Variants in AKR1B15 observed in about 807,000 individuals in gnomAD.
The protein encoded by AKR1B15 is aldo-keto reductase family 1 member B15.
In AKR1B15, 49 loss-of-function variants were observed where a neutral mutation model predicts 38.5. That is an observed-to-expected ratio of 1.27 (90% CI 1.01 to 1.62). AKR1B15 has a LOEUF of 1.62. Among genes scored for constraint, AKR1B15 ranks in the 40% most tolerant of loss-of-function variants. AKR1B15 has a pLI of 0.00. For synonymous variants in AKR1B15, 137 were observed against 135.5 expected (o/e 1.01, Z -0.08); for missense variants, 411 against 381.6 (o/e 1.08, Z -0.64).
At chr7:134,550,426 T>C (rs1276892915) in intron 1 of AKR1B15, among the ~76,000 whole-genome samples, 1 of 152,020 alleles carries the variant, frequency 6.6e-6, no homozygotes, top group Non-Finnish European at 1.5e-5. Flanking sequence ...TGCTTTCGAG[T>C]CGTGGAGACA....
rs1467337974 is a variant in AKR1B15 at position 134,577,023 on chromosome 7, G to A, written c.886G>A (p.Ala296Thr). The A allele has an allele frequency of 1.2e-6, 2 of 1,613,842 alleles. No individual in the cohort carries two copies. Among genetic ancestry groups the A allele is most frequent in the South Asian group, 1.1e-5 (1 of 91,064 alleles). ...AGTGATCCCCAAGTCTATGACACCA[G>A]CACACATTGTTGAGAACATTCAGGT... ...VTVIPKSMTP[A>T]HIVENIQVFD... Residue 296 changes from alanine (A) to threonine (T), a missense_variant, in exon 10 of 12, where the codon GCA becomes ACA. Around this residue, in one of 3 missense-constraint regions of AKR1B15, gnomAD observed 133 missense variants for 120.3 expected, o/e 1.11. Transcript: ENST00000457545.
In AKR1B15 at chr7:134,577,020, C is replaced by G; in HGVS notation, c.883C>G (p.Pro295Ala). The G allele has an allele frequency of 1.2e-6, 2 of 1,613,902 alleles. No homozygotes were observed. Among genetic ancestry groups the G allele is most frequent in the African/African-American group, 1.3e-5 (1 of 75,064 alleles). Residue 295 changes from proline to alanine, a missense_variant, in exon 10 of 12, where the codon CCA becomes GCA. Pro to Ala is a conservative substitution (Grantham distance 27, BLOSUM62 -1). Around this residue, in one of 3 missense-constraint regions of AKR1B15, gnomAD observed 133 missense variants for 120.3 expected, o/e 1.11. Transcript: ENST00000457545. ...GACAGTGATCCCCAAGTCTATGACA[C>G]CAGCACACATTGTTGAGAACATTCA... Reference protein sequence around the residue: ...NVTVIPKSMTPAHIVENIQVF... With the variant: ...NVTVIPKSMTAAHIVENIQVF...
chr7:134,562,800 TTTCCTTCCTTCCTTTC>T (rs1418722327), intron 2 of AKR1B15, among the ~76,000 whole-genome samples: 1 of 151,880 alleles, frequency 6.6e-6, no homozygotes, highest in African/African-American at 2.4e-5. Flanking sequence ...CTTTTCTTTC[TTTCCTTCCTTCCTTTC>T]TTCCTTCCTT....
chr7:134,567,290 G>T (rs1562948854), intron 3 of AKR1B15, among the ~76,000 whole-genome samples: 1 of 152,206 alleles, frequency 6.6e-6, no homozygotes, highest in Non-Finnish European at 1.5e-5. Context: ...AGAACAAAGT[G>T]TGATAATTGT....
chr7:134,567,398 C>G (rs527932597), intron 3 of AKR1B15, among the ~76,000 whole-genome samples: 1 of 152,282 alleles, frequency 6.6e-6, no homozygotes, highest in South Asian at 2.1e-4. Flanking sequence ...AAAACAAACT[C>G]TATTCCTATA....
intron 7 of AKR1B15, 40 bp downstream of exon 7, chr7:134,575,582 T>G (rs1794751470): frequency 3.7e-6 from 6 of 1,611,626 alleles, no homozygotes; most frequent in Middle Eastern, 1.7e-4. Flanking sequence ...TCCTGCCCTA[T>G]TACTTCTTAA....
intron 1 of AKR1B15, among the ~76,000 whole-genome samples, chr7:134,551,996 C>T (rs967026267): frequency 3.9e-5 from 6 of 152,118 alleles, no homozygotes; most frequent in African/African-American, 1.4e-4. Context: ...TAATTGACAC[C>T]GGGGTGGAAC....
At position 134,555,678 on chromosome 7, in the gene AKR1B15, C is replaced by T. The variant is rs1043547016; in HGVS notation, c.-146-1058C>T. Among the ~76,000 whole-genome samples the T allele has an allele frequency of 3.3e-5, 5 of 152,192 alleles. No individual in the cohort carries two copies. The East Asian group carries it at 5.8e-4, about 18-fold the overall frequency. ...TAGTCGGTTTATGTGCTTTGTTCCC[C>T]GACCCTGCCCATACCCTTGAAGAGC... On this transcript the variant is annotated intron_variant, in intron 1 of 11. Coordinates refer to ENST00000457545, the MANE Select transcript of AKR1B15 (RefSeq NM_001080538.3).
At chr7:134,573,837 G>A (rs1794710920) in intron 6 of AKR1B15, among the ~76,000 whole-genome samples, 1 of 152,174 alleles carries the variant, frequency 6.6e-6, no homozygotes, top group Non-Finnish European at 1.5e-5. Flanking sequence ...AAATCCCAAT[G>A]TCTAGGCTAC....
intron 8 of AKR1B15, among the ~76,000 whole-genome samples, chr7:134,576,132 C>T (rs1194447125): frequency 6.6e-6 from 1 of 150,664 alleles, no homozygotes; most frequent in Non-Finnish European, 1.5e-5. Flanking sequence ...GCTTGACCCT[C>T]TGGGAATATT....
At chr7:134,557,676 C>G (rs1488274978) in intron 2 of AKR1B15, among the ~76,000 whole-genome samples, 1 of 65,412 alleles carries the variant, frequency 1.5e-5, no homozygotes, top group Non-Finnish European at 4.2e-5. Context: ...TTTCTGTAAC[C>G]ATTTATCTTT....
intron 3 of AKR1B15, 135 bp from the exon 4 acceptor site, chr7:134,568,023 G>A: frequency 1.9e-6 from 2 of 1,031,448 alleles, no homozygotes; most frequent in Non-Finnish European, 2.9e-6. Context: ...TGCTGAGTGT[G>A]GTGTAATTCC....
intron 1 of AKR1B15, among the ~76,000 whole-genome samples, chr7:134,549,743 G>A (rs933673367): frequency 6.6e-6 from 1 of 152,128 alleles, no homozygotes; most frequent in African/African-American, 2.4e-5. Flanking sequence ...CCCTCCCCTT[G>A]TCTGTCTATA....
chr7:134,575,241 A>T (rs1215367030), intron 6 of AKR1B15, among the ~76,000 whole-genome samples, 179 bp from the exon 7 acceptor site: 1 of 152,168 alleles, frequency 6.6e-6, no homozygotes, highest in Non-Finnish European at 1.5e-5. Context: ...GAGGGGCAGT[A>T]GGGCTGGAAC....
rs771300283 is a variant in AKR1B15 at position 134,568,235 on chromosome 7, C to G, written c.228C>G (p.Phe76Leu). 1 of 1,613,978 alleles carries G rather than the reference C, an allele frequency of 6.2e-7. No individual in the cohort carries two copies. Among genetic ancestry groups the G allele is most frequent in the Non-Finnish European group, 8.5e-7 (1 of 1,180,014 alleles). Residue 76 changes from phenylalanine (F) to leucine (L), a missense_variant, in exon 4 of 12, where the codon TTC (phenylalanine) becomes TTG (leucine). Phe to Leu is a conservative substitution (Grantham distance 22). This residue lies in a region of AKR1B15 where 254 missense variants were observed against 212.4 expected (regional missense o/e 1.20). Coordinates refer to ENST00000457545, the MANE Select transcript of AKR1B15 (RefSeq NM_001080538.3). Reference sequence around the variant, plus strand: ...ATCGCCACATTGACTGTGCCTATTTCTATGAGAATCAACATGAGGTGGGAG... The same window carrying G: ...ATCGCCACATTGACTGTGCCTATTTGTATGAGAATCAACATGAGGTGGGAG... ...AEYRHIDCAY[F>L]YENQHEVGEA...
intron 6 of AKR1B15, chr7:134,573,336 C>T (rs781506162): frequency 2.0e-6 from 2 of 983,374 alleles, no homozygotes; most frequent in Non-Finnish European, 2.4e-6. Flanking sequence ...AGGCTGTTTG[C>T]ATTACATTTG....
chr7:134,577,237 T>TG (rs2117673842), intron 10 of AKR1B15, among the ~76,000 whole-genome samples, 191 bp downstream of exon 10: 1 of 152,298 alleles, frequency 6.6e-6, no homozygotes, highest in African/African-American at 2.4e-5. Flanking sequence ...AAGAACATCC[T>TG]GGGGGCAGTG....
chr7:134,555,161 T>C (rs1045279869), intron 1 of AKR1B15, among the ~76,000 whole-genome samples: 1 of 152,178 alleles, frequency 6.6e-6, no homozygotes, highest in Admixed American at 6.5e-5. Context: ...AGCTAACTTG[T>C]TACAGTACCT....
chr7:134,576,425 G>A lies in AKR1B15; in HGVS notation c.820G>A (p.Ala274Thr), dbSNP rs1313978180. 1.1e-5 allele frequency: 17 copies of A among 1,613,910 alleles called. No homozygotes were observed. The highest frequency in any genetic ancestry group is 4.0e-5 in the African/African-American group (3 of 74,920). Residue 274 changes from alanine (A) to threonine (T), a missense_variant, in exon 9 of 12, where the codon GCC becomes ACC. Ala to Thr is a moderately conservative substitution (Grantham distance 58). Transcript: ENST00000457545. ...TGCTGCAAAGCACAAAAAAACCACAGCCCAGGTACCATATTTTTATTTTTC... is the reference window on the plus strand; with the variant it reads ...TGCTGCAAAGCACAAAAAAACCACAACCCAGGTACCATATTTTTATTTTTC... ...EIAAKHKKTT[A>T]QVLIRFHIQR... is the part of the protein sequence containing the mutation.
Sources: gnomAD v4.1 joint callset for allele counts (sites outside exome capture counted in the v4.1 genomes callset) on GRCh38, gnomAD v4.1.1 for gene constraint, gnomAD v4.1.1 regional missense constraint, MANE v1.5 for transcripts, NCBI Gene and HGNC (gene_info 2026-07-23, HGNC 2026-07-21) for gene names.